The following FANCL variants were observed in gnomAD, a reference collection of about 807,000 sequenced individuals.
The protein encoded by FANCL is E3 ubiquitin-protein ligase FANCL.
In FANCL, 69 loss-of-function variants were observed where a neutral mutation model predicts 59.4. That is an observed-to-expected ratio of 1.16 (90% CI 0.96 to 1.42). The LOEUF (loss-of-function observed/expected upper bound fraction) is 1.42. Among genes scored for constraint, FANCL ranks in the 40% most tolerant of loss-of-function variants. FANCL has a pLI of 0.00. For missense variants in FANCL, 519 were observed against 447.2 expected, an observed-to-expected ratio of 1.16 and a Z score of -1.45; for synonymous variants, 180 against 147.1, an observed-to-expected ratio of 1.22 and a Z score of -1.62.
intron 7 of FANCL, among the ~76,000 whole-genome samples, chr2:58,196,991 GA>G (rs1205783833): frequency 2.0e-4 from 30 of 149,500 alleles, no homozygotes; most frequent in Admixed American, 2.0e-3. Context: ...AATAAAAAAA[GA>G]AAGCTATAAA....
chr2:58,233,344 C>T (rs1353440890), intron 1 of FANCL, among the ~76,000 whole-genome samples: 3 of 152,130 alleles, frequency 2.0e-5, no homozygotes, highest in South Asian at 4.1e-4. Flanking sequence ...AATAACATGT[C>T]ACATGCCACG....
At position 58,204,225 on chromosome 2, in the gene FANCL, G is replaced by C. The variant is rs1382981387; in HGVS notation, c.376C>G (p.Leu126Val). 1 of 1,611,866 alleles carries C rather than the reference G, an allele frequency of 6.2e-7. No individual in the cohort carries two copies. Among genetic ancestry groups the C allele is most frequent in the South Asian group, 1.1e-5 (1 of 91,046 alleles). ...CTGAAGCAGGTATCCGCATACACAA[G>C]TCTGGTGAGCAGAGGAGAATAAAAA... ...EEIGTLGWDK[L>V]VYADTCFSTI... The change falls in exon 6 of 14, where the codon CTT (leucine) becomes GTT (valine). Residue 126 changes from leucine (L) to valine (V), a missense_variant and splice_region_variant. Physicochemically the swap from Leu to Val is conservative, Grantham distance 32. Transcript: ENST00000233741.
chr2:58,194,299 T>A (rs1014287414), intron 7 of FANCL: 2 of 470,822 alleles, frequency 4.2e-6, no homozygotes, highest in African/African-American at 4.0e-5. Flanking sequence ...TTCGTTTTTT[T>A]ATAATCATAA....
intron 2 of FANCL, among the ~76,000 whole-genome samples, chr2:58,230,696 C>T (rs952673717): frequency 2.6e-5 from 4 of 152,192 alleles, no homozygotes; most frequent in African/African-American, 9.7e-5. Flanking sequence ...CCATCCCTAT[C>T]TCCTCTCTTA....
chr2:58,195,394 C>G (rs1370649715), intron 7 of FANCL, among the ~76,000 whole-genome samples: 1 of 152,060 alleles, frequency 6.6e-6, no homozygotes, highest in Non-Finnish European at 1.5e-5. Context: ...CAGCCCCCAA[C>G]CCGCACAAAT....
At chr2:58,226,918 G>T in intron 3 of FANCL, 134 bp from the exon 4 acceptor site, 1 of 740,214 alleles carries the variant, frequency 1.4e-6, no homozygotes, top group South Asian at 1.7e-5. Context: ...TATAAGAAAT[G>T]AAGTATCGGT....
At chr2:58,239,822 T>A (rs1241123729) in intron 1 of FANCL, among the ~76,000 whole-genome samples, 1 of 152,202 alleles carries the variant, frequency 6.6e-6, no homozygotes, top group East Asian at 1.9e-4. Context: ...AAATGTAAAC[T>A]GGTGAATCTA....
At chr2:58,225,882 A>C (rs1308880406) in intron 4 of FANCL, among the ~76,000 whole-genome samples, 1 of 152,094 alleles carries the variant, frequency 6.6e-6, no homozygotes, top group African/African-American at 2.4e-5. Flanking sequence ...TATAAGTCTT[A>C]TATAAGGCTT....
chr2:58,219,899 A>G (rs1051665402), intron 5 of FANCL, among the ~76,000 whole-genome samples: 2 of 152,286 alleles, frequency 1.3e-5, no homozygotes, highest in South Asian at 4.1e-4. Context: ...CTATTATCAT[A>G]CAATGGAAGA....
At chr2:58,170,955 TAGAC>T (rs1299214241) in intron 7 of FANCL, among the ~76,000 whole-genome samples, 6 of 152,088 alleles carry the variant, frequency 3.9e-5, no homozygotes. Context: ...CTGTCAATAT[TAGAC>T]AGATCAACGA....
At chr2:58,175,705 T>A (rs776040668) in intron 7 of FANCL, among the ~76,000 whole-genome samples, 2 of 152,218 alleles carry the variant, frequency 1.3e-5, no homozygotes, top group Non-Finnish European at 2.9e-5. Flanking sequence ...ACTTGAAGCA[T>A]TCCCTTTGAA....
At chr2:58,233,985 A>G (rs1434373058) in intron 1 of FANCL, among the ~76,000 whole-genome samples, 2 of 152,086 alleles carry the variant, frequency 1.3e-5, no homozygotes, top group African/African-American at 4.8e-5. Flanking sequence ...AGCACTCGCC[A>G]ACATTTCATC....
intron 7 of FANCL, among the ~76,000 whole-genome samples, chr2:58,174,648 G>C (rs1161647807): frequency 4.6e-5 from 7 of 152,048 alleles, no homozygotes; most frequent in Admixed American, 4.6e-4. Flanking sequence ...AGTGTGTAGA[G>C]GGAAATTTAT....
rs775030893 is a variant in FANCL at position 58,159,810 on chromosome 2, G to GAGAAC, written c.1093-15_1093-11dup. The GAGAAC allele has an allele frequency of 6.8e-6, 11 of 1,612,150 alleles. No homozygotes were observed. Among genetic ancestry groups the GAGAAC allele is most frequent in the Non-Finnish European group, 7.6e-6 (9 of 1,179,308 alleles). On this transcript the variant is annotated splice_polypyrimidine_tract_variant and intron_variant, in intron 13 of 13. Transcript: ENST00000233741. ...TTTTTAAGGTAATTGGCTTTAAAAA[G>GAGAAC]AGAACATATTTTAACAAAGTTTGTG...
chr2:58,227,194 G>C (rs1409848485), intron 3 of FANCL, among the ~76,000 whole-genome samples: 1 of 152,216 alleles, frequency 6.6e-6, no homozygotes, highest in African/African-American at 2.4e-5. Flanking sequence ...CCCCACAGCA[G>C]TGTCTAGGGG....
At chr2:58,167,780 C>A (rs1686101709) in intron 7 of FANCL, among the ~76,000 whole-genome samples, 1 of 152,102 alleles carries the variant, frequency 6.6e-6, no homozygotes, top group Admixed American at 6.6e-5. Flanking sequence ...TTTTTACATT[C>A]CAGATGGGGA....
intron 7 of FANCL, among the ~76,000 whole-genome samples, chr2:58,167,497 C>T (rs1686074918): frequency 6.6e-6 from 1 of 151,990 alleles, no homozygotes; most frequent in South Asian, 2.1e-4. Flanking sequence ...AACTCCCCTG[C>T]CAAAAAAAGA....
At chr2:58,230,554 A>G (rs1409154913) in intron 2 of FANCL, among the ~76,000 whole-genome samples, 1 of 152,202 alleles carries the variant, frequency 6.6e-6, no homozygotes, top group Admixed American at 6.5e-5. Flanking sequence ...TGTGCTCCCG[A>G]TACTATTAAG....
chr2:58,226,920 A>G, intron 3 of FANCL, 136 bp from the exon 4 acceptor site: 1 of 732,644 alleles, frequency 1.4e-6, no homozygotes, highest in Non-Finnish European at 2.3e-6. Context: ...TAAGAAATGA[A>G]GTATCGGTCA....
Sources: gnomAD v4.1 joint callset for allele counts (sites outside exome capture counted in the v4.1 genomes callset) on GRCh38, gnomAD v4.1.1 for gene constraint, MANE v1.5 for transcripts, NCBI Gene and HGNC (gene_info 2026-07-23, HGNC 2026-07-21) for gene names.